Variants in SORCS1 observed in about 807,000 individuals in gnomAD.
SORCS1 encodes the protein sortilin related VPS10 domain containing receptor 1.
Under a neutral mutation model 146.1 loss-of-function variants are expected in SORCS1, and 60 were observed. The ratio of observed to expected loss-of-function variants is 0.41; its 90% CI spans 0.33 to 0.51. The LOEUF is 0.51. SORCS1 is among the 20% of genes least tolerant of loss of function. SORCS1 has a pLI of 0.21. For synonymous variants in SORCS1, 637 were observed against 584.0 expected (o/e 1.09, Z -1.31); for missense variants, 1,352 against 1,487.6 (o/e 0.91, Z 1.50).
intron 17 of SORCS1, among the ~76,000 whole-genome samples, chr10:106,659,209 C>A (rs530595846): frequency 6.6e-6 from 1 of 152,312 alleles, no homozygotes; most frequent in East Asian, 1.9e-4. Context: ...ATGGAGTAAA[C>A]AGACCTAGAA....
At chr10:106,822,792 T>TTTTTTTTTTTTTTTTTTTTTTTTTTTG (rs1948114955) in intron 3 of SORCS1, among the ~76,000 whole-genome samples, 1 of 140,886 alleles carries the variant, frequency 7.1e-6, no homozygotes, top group African/African-American at 3.1e-5. Context: ...GTTTTTTTTT[T>TTTTTTTTTTTTTTTTTTTTTTTTTTTG]TTTTTTTTTT....
At chr10:107,167,514 C>A (rs564553636), upstream of SORCS1, among the ~76,000 whole-genome samples, 4 of 152,264 alleles carry the variant, frequency 2.6e-5, no homozygotes, top group South Asian at 8.3e-4. Context: ...ATCATCATTT[C>A]TCATCTGGAC....
chr10:107,014,376 G>A (rs1957813453), intron 1 of SORCS1, among the ~76,000 whole-genome samples: 1 of 152,134 alleles, frequency 6.6e-6, no homozygotes, highest in Non-Finnish European at 1.5e-5. Flanking sequence ...TAGTGTTGCA[G>A]GGCATCAGCC....
chr10:107,008,989 C>T (rs540963011), intron 1 of SORCS1, among the ~76,000 whole-genome samples: 1 of 152,166 alleles, frequency 6.6e-6, no homozygotes, highest in Non-Finnish European at 1.5e-5. Context: ...GAGCGAGACT[C>T]CGTCTCAAAA....
At position 107,012,600 on chromosome 10, in the gene SORCS1, T is replaced by C. The variant is rs1957738037; in HGVS notation, c.559-56020A>G. The stretch of plus-strand genomic sequence containing the variant: ...AGGTTAAGGAACCTGCACAGAGAGG[T>C]GAAGTTACTTGTCCAGTGTCATAGA... On this transcript the variant is annotated intron_variant, in intron 1 of 25. Transcript: ENST00000263054. Among the ~76,000 whole-genome samples, 4 of 152,152 alleles carry C rather than the reference T, an allele frequency of 2.6e-5. No individual in the cohort carries two copies. The South Asian group carries it at 8.3e-4, about 32-fold the overall frequency.
chr10:106,999,572 T>C (rs916267275), intron 1 of SORCS1, among the ~76,000 whole-genome samples: 1 of 152,240 alleles, frequency 6.6e-6, no homozygotes, highest in African/African-American at 2.4e-5. Context: ...TTTTCTCTCA[T>C]CTCTTCACTT....
the SORCS1 span, among the ~76,000 whole-genome samples, chr10:107,173,040 A>G: frequency 5.9e-5 from 9 of 152,332 alleles, no homozygotes; most frequent in Admixed American, 6.5e-5. Flanking sequence ...ATACAACCAC[A>G]AAGATGAAGA....
chr10:106,612,145 T>TATTCTA (rs1847035687), intron 21 of SORCS1, 122 bp from the exon 22 acceptor site: 1 of 676,464 alleles, frequency 1.5e-6, no homozygotes, highest in Non-Finnish European at 2.5e-6. Flanking sequence ...GGGACCTTTT[T>TATTCTA]AGAAGGCAAG....
intron 3 of SORCS1, among the ~76,000 whole-genome samples, chr10:106,780,821 T>C (rs528614679): frequency 2.6e-5 from 4 of 152,244 alleles, no homozygotes; most frequent in Middle Eastern, 3.4e-3. Flanking sequence ...ATTGTTTCCA[T>C]AGAAAGTCAA....
chr10:107,120,593 G>A (rs10509828), intron 1 of SORCS1, among the ~76,000 whole-genome samples: 9,929 of 152,206 alleles, frequency 0.065, 690 homozygotes, highest in East Asian at 0.35. Flanking sequence ...GAAATTCACA[G>A]AAGTAGGCAA....
chr10:107,033,902 G>A (rs930269896), intron 1 of SORCS1, among the ~76,000 whole-genome samples: 2 of 152,180 alleles, frequency 1.3e-5, no homozygotes, highest in African/African-American at 4.8e-5. Context: ...GAGCTGGTGA[G>A]CCTCCACATA....
At chr10:106,758,723 C>G (rs117030414) in intron 5 of SORCS1, among the ~76,000 whole-genome samples, 1 of 151,946 alleles carries the variant, frequency 6.6e-6, no homozygotes, top group African/African-American at 2.4e-5. Context: ...CTCATGAATA[C>G]GATACAAAAT....
At chr10:106,698,685 G>A (rs1853893542) in intron 9 of SORCS1, among the ~76,000 whole-genome samples, 1 of 152,146 alleles carries the variant, frequency 6.6e-6, no homozygotes, top group South Asian at 2.1e-4. Context: ...CTGGATTTAG[G>A]AGACAAGCAC....
rs76650689 is a variant in SORCS1 at position 106,648,219 on chromosome 10, C to T, written c.2475+4163G>A. On this transcript the variant is annotated intron_variant, in intron 18 of 25. Coordinates refer to ENST00000263054, the MANE Select transcript of SORCS1 (RefSeq NM_052918.5). Reference sequence around the variant, plus strand: ...ATTATATTCTTTTTTTTCTCTTTTACTTGTCTTACTTTGGATTAATGAAAC... The same window carrying T: ...ATTATATTCTTTTTTTTCTCTTTTATTTGTCTTACTTTGGATTAATGAAAC... Among the ~76,000 whole-genome samples the T allele has an allele frequency of 6.3e-3, 957 of 151,892 alleles. 14 individuals are homozygous for T. Among genetic ancestry groups the T allele is most frequent in the African/African-American group, 0.021 (878 of 41,398 alleles).
chr10:107,154,525 A>G (rs1352479640), intron 1 of SORCS1, among the ~76,000 whole-genome samples: 1 of 152,238 alleles, frequency 6.6e-6, no homozygotes, highest in Admixed American at 6.5e-5. Context: ...CACATGAAAA[A>G]AAAACACTTT....
chr10:106,765,264 G>A (rs989143170), intron 4 of SORCS1, among the ~76,000 whole-genome samples: 20 of 152,098 alleles, frequency 1.3e-4, no homozygotes, highest in African/African-American at 4.3e-4. Flanking sequence ...ACTCACCTGT[G>A]CTCAAGATCT....
At chr10:106,829,160 A>G (rs1197385688) in intron 3 of SORCS1, among the ~76,000 whole-genome samples, 2 of 152,218 alleles carry the variant, frequency 1.3e-5, no homozygotes, top group African/African-American at 2.4e-5. Flanking sequence ...CTGCAGGACA[A>G]TGCATTCACT....
Position 106,588,262 on chromosome 10 carries a change from C to A in SORCS1, c.3266-8788G>T, listed in dbSNP as rs546485870. Among the ~76,000 whole-genome samples the A allele has an allele frequency of 5.3e-4, 80 of 152,304 alleles. No individual in the cohort carries two copies. The South Asian group carries it at 6.0e-3, about 11-fold the overall frequency. ...TCAGGGGCATGTTTCATTTTCTCCC[C>A]CTTCCTCATTGTCATTTGCCCATTC... On this transcript the variant is annotated intron_variant, in intron 24 of 25. Transcript: ENST00000263054.
chr10:106,762,539 C>T (rs1859211601), intron 4 of SORCS1, among the ~76,000 whole-genome samples: 1 of 151,340 alleles, frequency 6.6e-6, no homozygotes, highest in Non-Finnish European at 1.5e-5. Flanking sequence ...ACTACAGGTG[C>T]CTGCCACCAA....
Sources: allele counts gnomAD v4.1 joint callset (sites outside exome capture counted in the v4.1 genomes callset), GRCh38; gene constraint gnomAD v4.1.1; transcripts MANE v1.5; gene names NCBI Gene and HGNC (gene_info 2026-07-23, HGNC 2026-07-21).